DOCK8: variants seen among roughly 807,000 people sequenced by gnomAD.
DOCK8 encodes the protein dedicator of cytokinesis protein 8.
DOCK8 carries 141 observed loss-of-function variants against 245.6 expected under a neutral mutation model. The observed-to-expected ratio is 0.57, with a 90% CI of 0.50 to 0.66. The LOEUF (loss-of-function observed/expected upper bound fraction) is 0.66, where lower values mean the gene tolerates loss of function less well. Among genes scored for constraint, DOCK8 ranks in the 30% least tolerant of loss-of-function variants. The pLI is 0.00. For synonymous variants in DOCK8, 1,168 were observed against 970.2 expected (o/e 1.20, Z -3.79); for missense variants, 2,965 against 2,603.4 (o/e 1.14, Z -3.02).
intron 1 of DOCK8, among the ~76,000 whole-genome samples, chr9:264,412 G>A (rs2047990419): frequency 6.6e-6 from 1 of 152,154 alleles, no homozygotes; most frequent in South Asian, 2.1e-4. Flanking sequence ...CCAAATAAGG[G>A]GCAAACTTTT....
At position 264,078 on chromosome 9, in the gene DOCK8, C is replaced by T. The variant is rs541981771; in HGVS notation, c.54-7549C>T. ...CAGCTTACACAGGTTACATCTGTTA[C>T]TTTATGACTCAACACACTTTTCTGG... On this transcript the variant is annotated intron_variant, in intron 1 of 47. Transcript: ENST00000432829. Among the ~76,000 whole-genome samples the T allele has an allele frequency of 3.2e-4, 48 of 152,338 alleles. 2 individuals carry two copies. In the South Asian group the frequency reaches 9.9e-3, roughly 32 times the overall value.
At chr9:251,066 C>T (rs1280828685) in intron 1 of DOCK8, among the ~76,000 whole-genome samples, 3 of 152,140 alleles carry the variant, frequency 2.0e-5, no homozygotes, top group Non-Finnish European at 4.4e-5. Context: ...AGGGATTGTC[C>T]AGGTAATGTA....
At position 271,925 on chromosome 9, in the gene DOCK8, A is replaced by G. The variant is rs554464974; in HGVS notation, c.156+196A>G. 2.6e-5 allele frequency among the ~76,000 whole-genome samples: 4 copies of G among 152,252 alleles called. No homozygotes were observed. The East Asian group carries it at 7.7e-4, about 29-fold the overall frequency. ...TGCCAACCGGTACTTAGGGTACATA[A>G]TAGAACCTCTGGGAGCTGTGGTTTT... On this transcript the variant is annotated intron_variant, in intron 2 of 47. Coordinates refer to ENST00000432829, the MANE Select transcript of DOCK8 (RefSeq NM_203447.4).
In DOCK8 at chr9:421,064, G is replaced by A. The variant is rs1194958864; in HGVS notation, c.4139G>A (p.Arg1380His). 5.0e-6 allele frequency: 8 copies of A among 1,614,160 alleles called. No homozygotes were observed. Among genetic ancestry groups the A allele is most frequent in the Non-Finnish European group, 5.1e-6 (6 of 1,180,038 alleles). Residue 1380 changes from arginine (R) to histidine (H), a missense_variant, in exon 32 of 48, where the codon CGC becomes CAC. Around this residue, in one of 3 missense-constraint regions of DOCK8, gnomAD observed 2,825 missense variants for 2,453.5 expected, o/e 1.15. Coordinates refer to ENST00000432829, the MANE Select transcript of DOCK8 (RefSeq NM_203447.4). The stretch of plus-strand genomic sequence containing the variant: ...GAAGGGGCCAGAGGGGAGATGATGC[G>A]CCGCCGGGCTCCAGGTGTGTTGGAC... ...RGEGARGEMM[R>H]RRAPGNDRFP...
intron 8 of DOCK8, among the ~76,000 whole-genome samples, chr9:326,510 G>A (rs1305659279): frequency 6.6e-6 from 1 of 152,204 alleles, no homozygotes; most frequent in Non-Finnish European, 1.5e-5. Context: ...TTCTGATTCA[G>A]CAAGTCCAGG....
intron 4 of DOCK8, among the ~76,000 whole-genome samples, chr9:298,039 A>G (rs1438107030): frequency 6.6e-6 from 1 of 152,228 alleles, no homozygotes; most frequent in Non-Finnish European, 1.5e-5. Context: ...GAAGACAGAA[A>G]AGAAAGCAAG....
At chr9:364,925 A>T (rs926370128) in intron 14 of DOCK8, among the ~76,000 whole-genome samples, 1 of 152,236 alleles carries the variant, frequency 6.6e-6, no homozygotes, top group Non-Finnish European at 1.5e-5. Flanking sequence ...ACCTCAGAAG[A>T]TATGACACAT....
chr9:395,681 C>T (rs531308561), intron 24 of DOCK8, among the ~76,000 whole-genome samples: 1 of 152,110 alleles, frequency 6.6e-6, no homozygotes, highest in Non-Finnish European at 1.5e-5. Context: ...TAAGCAACTT[C>T]CAACAAGGAT....
chr9:314,463 C>G (rs1266462744), intron 6 of DOCK8: 1 of 152,186 alleles, frequency 6.6e-6, no homozygotes, highest in African/African-American at 2.4e-5. Flanking sequence ...AATAATGAAA[C>G]GTAGCCTGGT....
intron 4 of DOCK8, among the ~76,000 whole-genome samples, chr9:292,566 T>A (rs1444927684): frequency 1.3e-5 from 2 of 151,926 alleles, no homozygotes; most frequent in African/African-American, 4.8e-5. Context: ...TTGGCCATTT[T>A]TTATTTTTCC....
intron 36 of DOCK8, among the ~76,000 whole-genome samples, chr9:431,363 A>C (rs1476631162): frequency 6.6e-6 from 1 of 152,114 alleles, no homozygotes; most frequent in East Asian, 1.9e-4. Context: ...GCCTCCTCCA[A>C]ATGTATTAGG....
chr9:432,140 CT>C lies in DOCK8; in HGVS notation c.4627-12del, dbSNP rs34439675. The C allele has an allele frequency of 0.03, 40,102 of 1,323,410 alleles. 41 individuals carry two copies. The highest frequency in any genetic ancestry group is 0.072 in the African/African-American group (4,877 of 68,204). 82.0% of individuals were successfully genotyped at this position (1,323,410 alleles called of 1,614,324 possible). A position where few individuals can be genotyped will look rare whatever the true frequency, so the allele number is the denominator to read the frequency against. ...GCTAAGTGTGTCTTATTTACTTCAT[CT>C]TTTTTTTTTTTTTCACTGATGCAGA... On this transcript the variant is annotated intron_variant, in intron 36 of 47. Coordinates refer to ENST00000432829, the MANE Select transcript of DOCK8 (RefSeq NM_203447.4).
At chr9:395,671 T>G (rs909484757) in intron 24 of DOCK8, among the ~76,000 whole-genome samples, 8 of 152,148 alleles carry the variant, frequency 5.3e-5, no homozygotes, top group African/African-American at 1.9e-4. Flanking sequence ...CCTAATAGTG[T>G]AAGCAACTTC....
chr9:382,718 C>T, intron 22 of DOCK8, 33 bp downstream of exon 22: 2 of 1,611,626 alleles, frequency 1.2e-6, no homozygotes, highest in African/African-American at 1.3e-5. Flanking sequence ...GAAGGGGACA[C>T]AGGCTTTTTT....
At chr9:319,794 A>G (rs1418236956) in intron 7 of DOCK8, among the ~76,000 whole-genome samples, 1 of 152,188 alleles carries the variant, frequency 6.6e-6, no homozygotes, top group East Asian at 1.9e-4. Context: ...GAAAAAAAAA[A>G]AAAGAATGAC....
At chr9:214,770 G>C (rs777791776), upstream of DOCK8, 4 of 1,539,592 alleles carry the variant, frequency 2.6e-6, no homozygotes, top group Admixed American at 6.0e-5. Context: ...GCCAGGCCGG[G>C]TGGCGGAGCC....
chr9:409,091 AT>A (rs2055584556), intron 28 of DOCK8, among the ~76,000 whole-genome samples: 2 of 150,372 alleles, frequency 1.3e-5, no homozygotes. Context: ...AATACTTCCT[AT>A]TGATCAGCAC....
upstream of DOCK8, among the ~76,000 whole-genome samples, chr9:212,122 G>A (rs554449360): frequency 6.6e-6 from 1 of 152,240 alleles, no homozygotes; most frequent in East Asian, 1.9e-4. Context: ...GGTATGTGTG[G>A]GGGGGTTAAT....
intron 1 of DOCK8, among the ~76,000 whole-genome samples, chr9:258,929 G>A (rs1017441720): frequency 6.7e-6 from 1 of 150,016 alleles, no homozygotes; most frequent in African/African-American, 2.4e-5. Context: ...TTTCATAATA[G>A]TTTAAAAAGC....
Sources: gnomAD v4.1 joint callset for allele counts (sites outside exome capture counted in the v4.1 genomes callset) on GRCh38, gnomAD v4.1.1 for gene constraint, gnomAD v4.1.1 regional missense constraint, MANE v1.5 for transcripts, NCBI Gene and HGNC (gene_info 2026-07-23, HGNC 2026-07-21) for gene names.